The following TMC2 variants were observed in gnomAD, a reference collection of about 807,000 sequenced individuals.
TMC2 encodes transmembrane channel-like protein 2.
TMC2 carries 102 observed loss-of-function variants against 105.9 expected under a neutral mutation model. That is an observed-to-expected ratio of 0.96 (90% CI 0.82 to 1.14). The LOEUF is 1.14. Ranked by LOEUF, TMC2 falls within the 50% of genes most tolerant of loss-of-function variation. The pLI is 0.00. For missense variants in TMC2, 1,093 were observed against 1,134.3 expected, an observed-to-expected ratio of 0.96 and a Z score of 0.52; for synonymous variants, 402 against 422.8, an observed-to-expected ratio of 0.95 and a Z score of 0.60.
chr20:2,621,376 A>AC (rs1389894606), intron 16 of TMC2, among the ~76,000 whole-genome samples: 1 of 151,332 alleles, frequency 6.6e-6, no homozygotes, highest in African/African-American at 2.4e-5. Flanking sequence ...ACAACAAAAA[A>AC]AAAAAAAAAG....
At chr20:2,551,222 G>A (rs771843608) in intron 2 of TMC2, among the ~76,000 whole-genome samples, 1 of 152,074 alleles carries the variant, frequency 6.6e-6, no homozygotes, top group Non-Finnish European at 1.5e-5. Context: ...ATACCATGTT[G>A]AGCATCTTTT....
intron 17 of TMC2, among the ~76,000 whole-genome samples, chr20:2,632,696 T>G (rs2146267029): frequency 6.6e-6 from 1 of 152,214 alleles, no homozygotes; most frequent in Middle Eastern, 3.4e-3. Flanking sequence ...CTCAAGCAAT[T>G]CTCCTGCCCC....
chr20:2,612,365 G>T, intron 13 of TMC2, 25 bp downstream of exon 13: 1 of 1,511,282 alleles, frequency 6.6e-7, no homozygotes, highest in East Asian at 2.4e-5. Flanking sequence ...TCTCTAAAAA[G>T]GTGACCCCTG....
intron 4 of TMC2, 75 bp from the exon 5 acceptor site, chr20:2,572,104 T>C (rs1273265374): frequency 1.8e-6 from 2 of 1,137,328 alleles, no homozygotes; most frequent in Non-Finnish European, 2.7e-6. Context: ...ACACATGTGT[T>C]TGAGGCTTCA....
intron 4 of TMC2, among the ~76,000 whole-genome samples, chr20:2,564,097 C>T (rs1214154020): frequency 6.6e-6 from 1 of 150,882 alleles, no homozygotes; most frequent in Non-Finnish European, 1.5e-5. Flanking sequence ...TGGTGAGTGG[C>T]GACAGTGTGG....
At chr20:2,636,297 A>G (rs1011571005) in intron 18 of TMC2, among the ~76,000 whole-genome samples, 1 of 152,212 alleles carries the variant, frequency 6.6e-6, no homozygotes, top group Admixed American at 6.5e-5. Flanking sequence ...CAGTATCCAC[A>G]ATAACTCCTA....
At chr20:2,625,470 T>C (rs6050670) in intron 17 of TMC2, among the ~76,000 whole-genome samples, 89,501 of 152,124 alleles carry the variant, frequency 0.59, 27,672 homozygotes, top group Admixed American at 0.68. Context: ...TAATCACATG[T>C]GTGTATAGTA....
In TMC2 at chr20:2,641,254, G is replaced by A. The variant is rs202097228; in HGVS notation, c.2624G>A (p.Arg875Gln). ...LPASGHLPIS[R>Q]PPGIGPDSGH... ...GCCTCTGGACACCTTCCTATATCTC[G>A]GCCCCCTGGAATCGGACCAGATTCT... The change falls in exon 20 of 20, where the codon CGG (arginine) becomes CAG (glutamine). Residue 875 changes from arginine (R) to glutamine (Q), a missense_variant. By Grantham distance (43) the Arg-to-Gln change is conservative. Coordinates refer to ENST00000358864, the MANE Select transcript of TMC2 (RefSeq NM_080751.3). The A allele has an allele frequency of 3.0e-5, 49 of 1,613,892 alleles. No individual in the cohort carries two copies. Among genetic ancestry groups the A allele is most frequent in the Middle Eastern group, 3.3e-4 (2 of 6,084 alleles).
chr20:2,562,147 C>A lies in TMC2; in HGVS notation c.554+137C>A, dbSNP rs1446409452. On this transcript the variant is annotated intron_variant, in intron 4 of 19. Coordinates refer to ENST00000358864, the MANE Select transcript of TMC2 (RefSeq NM_080751.3). Reference sequence around the variant, plus strand: ...TCCAGCGAGGACAGCACTCAGGGAGCCCCATGAGAGCCAAGGCGGCCGTGC... The same window carrying A: ...TCCAGCGAGGACAGCACTCAGGGAGACCCATGAGAGCCAAGGCGGCCGTGC... 6 of 1,121,312 alleles carry A rather than the reference C, an allele frequency of 5.4e-6. No individual in the cohort carries two copies. The African/African-American group carries it at 7.8e-5, about 15-fold the overall frequency. 69.5% of individuals were successfully genotyped at this position (1,121,312 alleles called of 1,614,324 possible). A position where few individuals can be genotyped will look rare whatever the true frequency, so the allele number is the denominator to read the frequency against.
chr20:2,616,356 C>A lies in TMC2; in HGVS notation c.1940+152C>A. ...TTCACATGAAAAATCAAGAGCGGGACTAGATGAGAAGCAGGACAGTTTCTG... is the reference window on the plus strand; with the variant it reads ...TTCACATGAAAAATCAAGAGCGGGAATAGATGAGAAGCAGGACAGTTTCTG... On this transcript the variant is annotated intron_variant, in intron 15 of 19. Coordinates refer to ENST00000358864, the MANE Select transcript of TMC2 (RefSeq NM_080751.3). The surrounding 1 kb of genome is among the most constrained non-coding windows in gnomAD (Gnocchi z 4.8). The A allele has an allele frequency of 1.5e-6, 1 of 667,746 alleles. No homozygotes were observed. The highest frequency in any genetic ancestry group is 2.7e-6 in the Non-Finnish European group (1 of 373,526). The allele number at this position is 667,746 out of a possible 1,614,324, so 41.4% of individuals were successfully genotyped here.
rs1017038740 is a variant in TMC2, at chr20:2,616,361, T to C, written c.1940+157T>C. ...ATGAAAAATCAAGAGCGGGACTAGA[T>C]GAGAAGCAGGACAGTTTCTGGCCCA... is the stretch of plus-strand genomic sequence containing the variant. On this transcript the variant is annotated intron_variant, in intron 15 of 19. Transcript: ENST00000358864. The surrounding 1 kb of genome is among the most constrained non-coding windows in gnomAD (Gnocchi z 4.8). Among the ~76,000 whole-genome samples, 1 of 151,668 alleles carries C rather than the reference T, an allele frequency of 6.6e-6. No individual in the cohort carries two copies. The highest frequency in any genetic ancestry group is 1.5e-5 in the Non-Finnish European group (1 of 67,986).
rs6050798 is a variant in TMC2, at chr20:2,641,352, T to G, written c.*1T>G. On this transcript the variant is annotated 3_prime_UTR_variant, in exon 20 of 20. Transcript: ENST00000358864. ...GAGTGCTCAGAGACCTCCCCACTGATGGCTAGGACTCCAGGGAGCCTCGAC... is the reference window on the plus strand; with the variant it reads ...GAGTGCTCAGAGACCTCCCCACTGAGGGCTAGGACTCCAGGGAGCCTCGAC... The G allele has an allele frequency of 1.2e-6, 2 of 1,607,452 alleles. No homozygotes were observed. The highest frequency in any genetic ancestry group is 1.3e-5 in the African/African-American group (1 of 74,802).
At chr20:2,539,527 G>T (rs866759113) in intron 2 of TMC2, among the ~76,000 whole-genome samples, 5 of 152,142 alleles carry the variant, frequency 3.3e-5, no homozygotes, top group African/African-American at 1.2e-4. Context: ...AAACAATGAC[G>T]TTCCTATTCA....
At chr20:2,576,914 T>G (rs1348808750) in intron 5 of TMC2, among the ~76,000 whole-genome samples, 478 of 21,558 alleles carry the variant, frequency 0.022, 1 homozygote, top group East Asian at 0.054. Context: ...TTTTTTTTTG[T>G]TTTTTTTTTT....
At chr20:2,545,831 A>AAG (rs1306766329) in intron 2 of TMC2, among the ~76,000 whole-genome samples, 1 of 139,482 alleles carries the variant, frequency 7.2e-6, no homozygotes, top group Non-Finnish European at 1.5e-5. Context: ...GGAAGAAAGA[A>AAG]AGAAAGAAAG....
At chr20:2,537,875 C>T (rs1465856885) in intron 2 of TMC2, among the ~76,000 whole-genome samples, 3 of 152,154 alleles carry the variant, frequency 2.0e-5, no homozygotes, top group Non-Finnish European at 4.4e-5. Context: ...AAGCCACACT[C>T]ACAGGCTGGG....
rs2086699805 is a variant in TMC2, at chr20:2,643,139, C to A, written c.*1788C>A. On this transcript the variant is annotated 3_prime_UTR_variant, in exon 20 of 20. Coordinates refer to ENST00000358864, the MANE Select transcript of TMC2 (RefSeq NM_080751.3). ...TTCACACCAATCTCTCCTGGCAAGG[C>A]TAACGAAGATGTTGCAATGCCTGAT... 6.6e-6 allele frequency among the ~76,000 whole-genome samples: 1 copy of A among 152,164 alleles called. No individual in the cohort carries two copies. The highest frequency in any genetic ancestry group is 6.5e-5 in the Admixed American group (1 of 15,282).
At chr20:2,544,303 C>T (rs2122798393) in intron 2 of TMC2, among the ~76,000 whole-genome samples, 1 of 152,192 alleles carries the variant, frequency 6.6e-6, no homozygotes, top group Non-Finnish European at 1.5e-5. Flanking sequence ...CTCTGGAGAT[C>T]CCACATCTGA....
At chr20:2,553,249 A>G (rs891382173) in intron 2 of TMC2, among the ~76,000 whole-genome samples, 3 of 149,856 alleles carry the variant, frequency 2.0e-5, no homozygotes. Context: ...GCAATTCTTC[A>G]TCAGGTTGAG....
Sources: allele counts gnomAD v4.1 joint callset (sites outside exome capture counted in the v4.1 genomes callset), GRCh38; gene constraint gnomAD v4.1.1; non-coding constraint Gnocchi (gnomAD v3.1); transcripts MANE v1.5; gene names NCBI Gene and HGNC (gene_info 2026-07-23, HGNC 2026-07-21).